Variants in GALNT5 observed in about 807,000 individuals in gnomAD.
GALNT5 encodes polypeptide N-acetylgalactosaminyltransferase 5, also known as UDP-GalNAc:polypeptide N-acetylgalactosaminyltransferase 5.
A neutral mutation model predicts 85.4 loss-of-function variants in GALNT5; 72 were observed. The ratio of observed to expected loss-of-function variants is 0.84; its 90% CI spans 0.70 to 1.03. The LOEUF (loss-of-function observed/expected upper bound fraction) is 1.03, where lower values mean the gene tolerates loss of function less well. GALNT5 is among the 50% of genes least tolerant of loss of function. GALNT5 has a pLI of 0.00. For synonymous variants in GALNT5, 404 were observed against 397.0 expected (o/e 1.02, Z -0.21); for missense variants, 1,137 against 1,135.5 (o/e 1.00, Z -0.02).
At chr2:157,302,876 T>C (rs983443479) in intron 7 of GALNT5, among the ~76,000 whole-genome samples, 4 of 152,208 alleles carry the variant, frequency 2.6e-5, no homozygotes, top group African/African-American at 7.2e-5. Flanking sequence ...TTAAACAAAT[T>C]TCAGTGAAGA....
intron 8 of GALNT5, 145 bp downstream of exon 8, chr2:157,305,974 A>G: frequency 1.7e-6 from 1 of 579,102 alleles, no homozygotes; most frequent in Non-Finnish European, 3.1e-6. Context: ...CACTAAACAC[A>G]AAGACAGTGA....
At chr2:157,260,020 A>G (rs767836250) in intron 1 of GALNT5, among the ~76,000 whole-genome samples, 1 of 152,200 alleles carries the variant, frequency 6.6e-6, no homozygotes, top group African/African-American at 2.4e-5. Flanking sequence ...CCTAATCATA[A>G]GTAATGATAA....
intron 1 of GALNT5, among the ~76,000 whole-genome samples, chr2:157,279,857 A>T (rs1430900492): frequency 6.6e-6 from 1 of 152,234 alleles, no homozygotes; most frequent in Non-Finnish European, 1.5e-5. Context: ...GAGATGAACC[A>T]GGTACCTCAG....
chr2:157,284,249 CAT>C, intron 1 of GALNT5, 31 bp from the exon 2 acceptor site: 1 of 1,599,790 alleles, frequency 6.3e-7, no homozygotes, highest in Admixed American at 1.7e-5. Flanking sequence ...CTCCTTAGCA[CAT>C]CTCTTGTGCT....
intron 1 of GALNT5, among the ~76,000 whole-genome samples, chr2:157,261,551 AAT>A (rs1245432402): frequency 6.6e-6 from 1 of 152,260 alleles, no homozygotes; most frequent in African/African-American, 2.4e-5. Flanking sequence ...ACCTTGGCTA[AAT>A]ATAGGTGTGT....
Position 157,317,189 on chromosome 2 carries a change from TATA to T in GALNT5, c.*5842_*5844del, listed in dbSNP as rs1213998881. On this transcript the variant is annotated 3_prime_UTR_variant, in exon 10 of 10. Coordinates refer to ENST00000259056, the MANE Select transcript of GALNT5 (RefSeq NM_014568.3). ...GTATGTGTGTGTATATATATATATATATATATATATTTTTTTTTTTGATGCTTT... is the reference window on the plus strand; with the variant it reads ...GTATGTGTGTGTATATATATATATATTATATATTTTTTTTTTTGATGCTTT... 5.0e-5 allele frequency among the ~76,000 whole-genome samples: 7 copies of T among 139,556 alleles called. No individual in the cohort carries two copies. Among genetic ancestry groups the T allele is most frequent in the Admixed American group, 1.4e-4 (2 of 13,878 alleles). The allele number at this position is 139,556 out of a possible 152,430, so 91.6% of individuals were successfully genotyped here. A position where few individuals can be genotyped will look rare whatever the true frequency, so the allele number is the denominator to read the frequency against.
At chr2:157,264,939 T>G (rs535820643) in intron 1 of GALNT5, among the ~76,000 whole-genome samples, 1 of 152,160 alleles carries the variant, frequency 6.6e-6, no homozygotes, top group Non-Finnish European at 1.5e-5. Context: ...TTGTGACTAA[T>G]AGTGATTGGA....
rs1444047320 is a variant in GALNT5 at position 157,315,974 on chromosome 2, A to G, written c.*4626A>G. Reference sequence around the variant, plus strand: ...ATTGATTTCATACAGAGGCTTGAGGAGGCGGTGATTGATATACATAGGGCC... The same window carrying G: ...ATTGATTTCATACAGAGGCTTGAGGGGGCGGTGATTGATATACATAGGGCC... On this transcript the variant is annotated 3_prime_UTR_variant, in exon 10 of 10. Transcript: ENST00000259056. Among the ~76,000 whole-genome samples the G allele has an allele frequency of 2.6e-5, 4 of 152,114 alleles. No homozygotes were observed. In the East Asian group the frequency reaches 7.7e-4, roughly 29 times the overall value.
intron 5 of GALNT5, among the ~76,000 whole-genome samples, chr2:157,298,366 G>A (rs1378965986): frequency 6.6e-6 from 1 of 152,142 alleles, no homozygotes; most frequent in East Asian, 1.9e-4. Context: ...AGGATCAACG[G>A]CTACTCTCCC....
chr2:157,308,282 C>G (rs1470291827), intron 8 of GALNT5, among the ~76,000 whole-genome samples: 1 of 152,278 alleles, frequency 6.6e-6, no homozygotes, highest in South Asian at 2.1e-4. Flanking sequence ...TTGTAACTAA[C>G]ATTTATTGAA....
intron 3 of GALNT5, among the ~76,000 whole-genome samples, chr2:157,290,112 T>TATATATATATATATATATATACAC (rs1416458086): frequency 3.3e-4 from 45 of 138,228 alleles, no homozygotes; most frequent in African/African-American, 1.3e-3. Context: ...TATATATATA[T>TATATATATATATATATATATACAC]ACATACACAA....
At chr2:157,298,543 G>A (rs1280693041) in intron 5 of GALNT5, among the ~76,000 whole-genome samples, 1 of 152,138 alleles carries the variant, frequency 6.6e-6, no homozygotes, top group African/African-American at 2.4e-5. Flanking sequence ...TAGGGACCTC[G>A]AAAGGAGTAC....
intron 1 of GALNT5, among the ~76,000 whole-genome samples, chr2:157,264,174 TACACACACACACAC>T (rs59575957): frequency 6.9e-6 from 1 of 144,608 alleles, no homozygotes; most frequent in African/African-American, 2.5e-5. Flanking sequence ...TCAACACACA[TACACACACACACAC>T]ACACACACAC....
intron 8 of GALNT5, among the ~76,000 whole-genome samples, chr2:157,306,058 T>C (rs1250939848): frequency 6.6e-6 from 1 of 152,184 alleles, no homozygotes; most frequent in Non-Finnish European, 1.5e-5. Flanking sequence ...GCACCATCAT[T>C]TGCAAAAGCG....
intron 1 of GALNT5, among the ~76,000 whole-genome samples, chr2:157,281,166 C>T (rs538029724): frequency 4.3e-4 from 66 of 152,294 alleles, no homozygotes; most frequent in Admixed American, 1.7e-3. Flanking sequence ...AGGGTTCAAG[C>T]GATTCTCCCT....
At chr2:157,277,427 G>T (rs1022078698) in intron 1 of GALNT5, among the ~76,000 whole-genome samples, 3 of 152,148 alleles carry the variant, frequency 2.0e-5, no homozygotes, top group African/African-American at 7.2e-5. Context: ...GGGCATTAAA[G>T]TCTCCCATTA....
intron 1 of GALNT5, among the ~76,000 whole-genome samples, chr2:157,260,887 TCA>T (rs1021981918): frequency 3.3e-5 from 5 of 152,206 alleles, no homozygotes; most frequent in African/African-American, 1.2e-4. Flanking sequence ...CTGGTGATAA[TCA>T]CAGTCTTGAG....
chr2:157,284,474 T>C, intron 2 of GALNT5, 26 bp downstream of exon 2: 1 of 1,600,170 alleles, frequency 6.2e-7, no homozygotes. Context: ...AGGCTATCTC[T>C]TGAAATTTCA....
At position 157,305,820 on chromosome 2, in the gene GALNT5, G is replaced by A; in HGVS notation, c.2511G>A (p.Gly837=). Residue 837 remains glycine (G), a synonymous_variant, in exon 8 of 10, where the codon GGG becomes GGA. Coordinates refer to ENST00000259056, the MANE Select transcript of GALNT5 (RefSeq NM_014568.3). ...NTTVILEDCD[G]SKELQQFNYT... Reference sequence around the variant, plus strand: ...CAGTCATTCTGGAAGACTGCGATGGGAGCAAAGAGGTATGCTAAACTGTTT... The same window carrying A: ...CAGTCATTCTGGAAGACTGCGATGGAAGCAAAGAGGTATGCTAAACTGTTT... The A allele has an allele frequency of 3.1e-6, 5 of 1,589,318 alleles. No individual in the cohort carries two copies. Among genetic ancestry groups the A allele is most frequent in the Non-Finnish European group, 4.3e-6 (5 of 1,157,586 alleles).
Sources: gnomAD v4.1 joint callset for allele counts (sites outside exome capture counted in the v4.1 genomes callset) on GRCh38, gnomAD v4.1.1 for gene constraint, MANE v1.5 for transcripts, NCBI Gene and HGNC (gene_info 2026-07-23, HGNC 2026-07-21) for gene names.